Variants in PPFIA2 observed in about 807,000 individuals in gnomAD.
PPFIA2 encodes PPFI scaffold protein A2.
Under a neutral mutation model 175.5 loss-of-function variants are expected in PPFIA2, and 46 were observed. The observed-to-expected ratio is 0.26, with a 90% CI of 0.21 to 0.34. The LOEUF (loss-of-function observed/expected upper bound fraction) is 0.34. PPFIA2 is among the 10% of genes least tolerant of loss of function. PPFIA2 has a pLI of 1.00. For synonymous variants in PPFIA2, 568 were observed against 511.4 expected (o/e 1.11, Z -1.49); for missense variants, 1,179 against 1,506.1 (o/e 0.78, Z 3.60).
chr12:81,731,847 TC>T (rs2080956110), intron 3 of PPFIA2, among the ~76,000 whole-genome samples: 1 of 151,604 alleles, frequency 6.6e-6, no homozygotes, highest in Non-Finnish European at 1.5e-5. Flanking sequence ...ATATGTAAAG[TC>T]CTTAAAACTA....
chr12:81,698,456 T>G (rs971263771), intron 3 of PPFIA2, among the ~76,000 whole-genome samples: 1 of 152,110 alleles, frequency 6.6e-6, no homozygotes, highest in Non-Finnish European at 1.5e-5. Flanking sequence ...CCCCTTGACT[T>G]TGGATTTCCT....
chr12:81,533,426 G>C (rs1462932174), intron 4 of PPFIA2, among the ~76,000 whole-genome samples: 2 of 151,400 alleles, frequency 1.3e-5, no homozygotes, highest in Admixed American at 1.3e-4. Context: ...ATTTAAAAAA[G>C]TACAACCTAG....
chr12:81,344,771 A>G, intron 18 of PPFIA2, 78 bp from the exon 19 acceptor site: 1 of 1,049,330 alleles, frequency 9.5e-7, no homozygotes, highest in Non-Finnish European at 1.4e-6. Context: ...ACAATTTTAA[A>G]TAGTGTCTAC....
chr12:81,537,712 T>C (rs2153324054), intron 4 of PPFIA2, among the ~76,000 whole-genome samples: 1 of 151,988 alleles, frequency 6.6e-6, no homozygotes, highest in East Asian at 1.9e-4. Context: ...CCTATTAGAC[T>C]GTTAATGAGT....
chr12:81,663,207 G>A (rs937948738), intron 4 of PPFIA2, among the ~76,000 whole-genome samples: 1 of 152,076 alleles, frequency 6.6e-6, no homozygotes. Flanking sequence ...GGCAGGAGGA[G>A]GAAATAAAGG....
chr12:81,397,917 G>A (rs2041436665), intron 8 of PPFIA2, among the ~76,000 whole-genome samples: 1 of 151,774 alleles, frequency 6.6e-6, no homozygotes, highest in African/African-American at 2.4e-5. Flanking sequence ...TCTAGGTTGT[G>A]CACTCCTTAT....
chr12:81,597,899 G>A (rs925047786), intron 4 of PPFIA2: 28 of 1,500,502 alleles, frequency 1.9e-5, no homozygotes, highest in Non-Finnish European at 2.2e-5. Context: ...TTTGTTAAAA[G>A]TTTGACAATA....
chr12:81,579,285 C>A (rs757941935), intron 4 of PPFIA2, among the ~76,000 whole-genome samples: 1 of 151,582 alleles, frequency 6.6e-6, no homozygotes, highest in Non-Finnish European at 1.5e-5. Context: ...CACATAATAC[C>A]CCTCTAGTAA....
chr12:81,640,993 C>A (rs2064889571), intron 4 of PPFIA2, among the ~76,000 whole-genome samples: 1 of 151,964 alleles, frequency 6.6e-6, no homozygotes, highest in Non-Finnish European at 1.5e-5. Flanking sequence ...TACATAATTG[C>A]ACATATTTAT....
chr12:81,675,808 C>A (rs2072396444), intron 4 of PPFIA2, among the ~76,000 whole-genome samples: 1 of 151,988 alleles, frequency 6.6e-6, no homozygotes, highest in South Asian at 2.1e-4. Flanking sequence ...GGGATAAATA[C>A]AAGCAGCTGT....
chr12:81,362,037 C>G (rs538094947), intron 15 of PPFIA2, among the ~76,000 whole-genome samples: 1 of 150,526 alleles, frequency 6.6e-6, no homozygotes, highest in East Asian at 2.0e-4. Flanking sequence ...ATCTATCTAT[C>G]TATCTATCTA....
chr12:81,696,206 C>T (rs1170172659), intron 3 of PPFIA2, among the ~76,000 whole-genome samples: 3 of 152,108 alleles, frequency 2.0e-5, no homozygotes, highest in African/African-American at 7.2e-5. Context: ...AATGTGTACA[C>T]ACAGCAAATG....
At chr12:81,310,609 T>C (rs2050523546) in intron 22 of PPFIA2, among the ~76,000 whole-genome samples, 1 of 152,162 alleles carries the variant, frequency 6.6e-6, no homozygotes, top group South Asian at 2.1e-4. Context: ...AGAAGACAAT[T>C]TATATGATGA....
intron 3 of PPFIA2, among the ~76,000 whole-genome samples, chr12:81,741,337 T>C (rs1276829660): frequency 6.6e-6 from 1 of 152,064 alleles, no homozygotes; most frequent in East Asian, 1.9e-4. Flanking sequence ...TAATATATGA[T>C]AGTTTTTTTT....
intron 8 of PPFIA2, among the ~76,000 whole-genome samples, chr12:81,386,103 C>G (rs1012933259): frequency 1.3e-5 from 2 of 149,966 alleles, no homozygotes; most frequent in African/African-American, 4.9e-5. Flanking sequence ...AGCAAGGCCT[C>G]ATTTCTAGAA....
At chr12:81,601,646 C>G (rs942093216) in intron 4 of PPFIA2, among the ~76,000 whole-genome samples, 1 of 151,644 alleles carries the variant, frequency 6.6e-6, no homozygotes, top group Admixed American at 6.6e-5. Context: ...CCAAGAAGTC[C>G]TAATGGGCAG....
chr12:81,715,546 T>A lies in PPFIA2; in HGVS notation c.249+38427A>T, dbSNP rs976159172. ...CAAGCTTTACGTGCTTTTTCTCAGC[T>A]TTTTTCCCCCAGTAAGATTAAGGTG... On this transcript the variant is annotated intron_variant, in intron 3 of 32. Coordinates refer to ENST00000549396, the MANE Select transcript of PPFIA2 (RefSeq NM_003625.5). Among the ~76,000 whole-genome samples the A allele has an allele frequency of 3.3e-5, 5 of 151,844 alleles. No individual in the cohort carries two copies. In the South Asian group the frequency reaches 1.0e-3, roughly 31 times the overall value.
intron 3 of PPFIA2, among the ~76,000 whole-genome samples, chr12:81,686,098 G>C (rs1191609805): frequency 3.9e-5 from 6 of 152,132 alleles, no homozygotes; most frequent in Middle Eastern, 6.8e-3. Context: ...TATGAGAAAA[G>C]AGTAGGGAGA....
intron 10 of PPFIA2, among the ~76,000 whole-genome samples, chr12:81,375,203 G>C (rs749871726): frequency 6.6e-6 from 1 of 152,088 alleles, no homozygotes; most frequent in African/African-American, 2.4e-5. Context: ...AAAATGTTAG[G>C]CCTCCTGTAT....
Sources: gnomAD v4.1 joint callset for allele counts (sites outside exome capture counted in the v4.1 genomes callset) on GRCh38, gnomAD v4.1.1 for gene constraint, MANE v1.5 for transcripts, NCBI Gene and HGNC (gene_info 2026-07-23, HGNC 2026-07-21) for gene names.